The following NDUFA5 variants were observed in gnomAD, a reference collection of about 807,000 sequenced individuals.
NDUFA5 encodes NADH:ubiquinone oxidoreductase subunit A5, also known as NADH dehydrogenase [ubiquinone] 1 alpha subcomplex subunit 5.
Under a neutral mutation model 19.8 loss-of-function variants are expected in NDUFA5, and 11 were observed. That is an observed-to-expected ratio of 0.56 (90% CI 0.35 to 0.92). The LOEUF is 0.92. NDUFA5 is among the 40% of genes least tolerant of loss of function. The pLI, the probability that NDUFA5 is intolerant of heterozygous loss-of-function variation, is 0.01. For synonymous variants in NDUFA5, 47 were observed against 46.8 expected, an observed-to-expected ratio of 1.00 and a Z score of -0.01; for missense variants, 109 against 134.2, an observed-to-expected ratio of 0.81 and a Z score of 0.93.
At chr7:123,564,724 G>A in the NDUFA5 span, among the ~76,000 whole-genome samples, 432 of 151,992 alleles carry the variant, frequency 2.8e-3, 4 homozygotes, top group Non-Finnish European at 4.7e-3. Context: ...TTATTGGGAC[G>A]TAACACCATA....
the NDUFA5 span, among the ~76,000 whole-genome samples, chr7:123,577,255 T>C: frequency 1.3e-5 from 2 of 152,160 alleles, no homozygotes; most frequent in East Asian, 3.9e-4. Context: ...GATTTTGCAT[T>C]TTATTACAAA....
At chr7:123,576,412 A>C in the NDUFA5 span, among the ~76,000 whole-genome samples, 2 of 151,972 alleles carry the variant, frequency 1.3e-5, no homozygotes, top group Non-Finnish European at 2.9e-5. Context: ...AACATTTTCC[A>C]TGTGTGTGTG....
the NDUFA5 span, among the ~76,000 whole-genome samples, chr7:123,575,930 C>G: frequency 6.6e-6 from 1 of 150,556 alleles, no homozygotes; most frequent in Middle Eastern, 3.2e-3. Context: ...AGATTTAAAC[C>G]TTCTTTTATT....
chr7:123,594,112 G>A, the NDUFA5 span, among the ~76,000 whole-genome samples: 1 of 151,970 alleles, frequency 6.6e-6, no homozygotes, highest in Non-Finnish European at 1.5e-5. Flanking sequence ...TTCTCGTACT[G>A]TGGTTTTCAG....
At chr7:123,561,064 A>G (rs138527310), upstream of NDUFA5, among the ~76,000 whole-genome samples, 13 of 152,372 alleles carry the variant, frequency 8.5e-5, no homozygotes, top group African/African-American at 3.1e-4. Flanking sequence ...GACATTTCTT[A>G]TTTAATGATT....
the NDUFA5 span, among the ~76,000 whole-genome samples, chr7:123,579,191 G>A: frequency 6.6e-6 from 1 of 152,012 alleles, no homozygotes; most frequent in Admixed American, 6.6e-5. Flanking sequence ...TTAGGGTAAT[G>A]GCCTCCAGCT....
chr7:123,558,986 AAAG>A (rs1798649724), upstream of NDUFA5, among the ~76,000 whole-genome samples: 2 of 152,100 alleles, frequency 1.3e-5, no homozygotes, highest in Admixed American at 6.6e-5. Context: ...AAAGATTAGA[AAAG>A]AAGGAGACAG....
At chr7:123,591,996 A>T in the NDUFA5 span, among the ~76,000 whole-genome samples, 6 of 152,110 alleles carry the variant, frequency 3.9e-5, no homozygotes, top group Admixed American at 6.5e-5. Context: ...TGGTCTATTC[A>T]GAGATTCAAC....
At chr7:123,550,413 AC>A in intron 3 of NDUFA5, 56 bp downstream of exon 3, 1 of 515,048 alleles carries the variant, frequency 1.9e-6, no homozygotes, top group South Asian at 2.1e-5. Flanking sequence ...AAAATAAGGA[AC>A]TAAACTTTTT....
intron 4 of NDUFA5, among the ~76,000 whole-genome samples, chr7:123,542,795 A>C (rs1463385218): frequency 3.9e-5 from 6 of 152,176 alleles, no homozygotes; most frequent in Non-Finnish European, 5.9e-5. Flanking sequence ...ATGTATAATT[A>C]ATATTTACTA....
At chr7:123,580,061 G>T in the NDUFA5 span, among the ~76,000 whole-genome samples, 1 of 152,072 alleles carries the variant, frequency 6.6e-6, no homozygotes, top group African/African-American at 2.4e-5. Context: ...AGGAGGAAAA[G>T]AGATTGGCGG....
Position 123,542,125 on chromosome 7 carries a change from T to G in NDUFA5, c.345A>C (p.Pro115=). The change falls in exon 5 of 5, where the codon CCA becomes CCC. Residue 115 remains proline (P), a synonymous_variant. Transcript: ENST00000355749. ...CACCAAAGTCACTTAATAATTATAT[T>G]GGCCATTTCCACTGATCGGCAGGAG... is the stretch of plus-strand genomic sequence containing the variant. ...EEPPADQWKW[P]I The G allele has an allele frequency of 6.2e-7, 1 of 1,606,688 alleles. No homozygotes were observed. The highest frequency in any genetic ancestry group is 2.2e-5 in the East Asian group (1 of 44,642).
the NDUFA5 span, among the ~76,000 whole-genome samples, chr7:123,585,750 T>C: frequency 1.0e-3 from 156 of 151,860 alleles, 2 homozygotes; most frequent in South Asian, 0.025. Flanking sequence ...GTACATTAGA[T>C]CTCTAAAACT....
At chr7:123,597,722 G>A in the NDUFA5 span, among the ~76,000 whole-genome samples, 5 of 151,934 alleles carry the variant, frequency 3.3e-5, no homozygotes, top group African/African-American at 9.7e-5. Flanking sequence ...TCCTAGCTAC[G>A]CGGGAGGCTG....
At chr7:123,552,506 G>C (rs1397845680) in intron 2 of NDUFA5, among the ~76,000 whole-genome samples, 1 of 151,926 alleles carries the variant, frequency 6.6e-6, no homozygotes, top group Non-Finnish European at 1.5e-5. Context: ...GGCCAGGGGA[G>C]GGATAGCATT....
intron 2 of NDUFA5, 76 bp downstream of exon 2, chr7:123,557,328 C>A (rs1798594917): frequency 1.9e-6 from 3 of 1,595,984 alleles, no homozygotes; most frequent in Admixed American, 1.7e-5. Context: ...ATCCCGTTAA[C>A]CCTGCAATAA....
chr7:123,539,912 GGAA>G lies in NDUFA5; in HGVS notation c.*2204_*2206del, dbSNP rs1209523349. ...CATTTGGTACAGCCCATACAGCACA[GGAA>G]GAAGTCACAACATCCCAAGCATATT... On this transcript the variant is annotated 3_prime_UTR_variant, in exon 5 of 5. Coordinates refer to ENST00000355749, the MANE Select transcript of NDUFA5 (RefSeq NM_005000.5). The G allele has an allele frequency of 6.6e-5, 10 of 152,294 alleles. No individual in the cohort carries two copies. The East Asian group carries it at 1.9e-3, about 29-fold the overall frequency. 9.4% of individuals were successfully genotyped at this position (152,294 alleles called of 1,614,324 possible).
the NDUFA5 span, among the ~76,000 whole-genome samples, chr7:123,593,290 A>C: frequency 6.6e-6 from 1 of 152,068 alleles, no homozygotes; most frequent in African/African-American, 2.4e-5. Context: ...TAATATTGTT[A>C]TGTGTGAGTT....
the NDUFA5 span, among the ~76,000 whole-genome samples, chr7:123,581,980 T>C: frequency 6.6e-6 from 1 of 152,054 alleles, no homozygotes; most frequent in African/African-American, 2.4e-5. Flanking sequence ...CCATGAATTC[T>C]GGGGCAGAAA....
Sources: gnomAD v4.1 joint callset for allele counts (sites outside exome capture counted in the v4.1 genomes callset) on GRCh38, gnomAD v4.1.1 for gene constraint, MANE v1.5 for transcripts, NCBI Gene and HGNC (gene_info 2026-07-23, HGNC 2026-07-21) for gene names.